RBMS3: variants seen among roughly 807,000 people sequenced by gnomAD.
RBMS3 encodes RNA binding motif single stranded interacting protein 3.
Under a neutral mutation model 66.8 loss-of-function variants are expected in RBMS3, and 27 were observed. That is an observed-to-expected ratio of 0.40 (90% CI 0.30 to 0.56). The LOEUF is 0.56. Among genes scored for constraint, RBMS3 ranks in the 20% least tolerant of loss-of-function variants. The pLI is 0.40. For missense variants in RBMS3, 513 were observed against 549.5 expected, an observed-to-expected ratio of 0.93 and a Z score of 0.66; for synonymous variants, 188 against 183.0, an observed-to-expected ratio of 1.03 and a Z score of -0.22.
At chr3:29,984,598 G>C (rs1461504813) in intron 12 of RBMS3, among the ~76,000 whole-genome samples, 1 of 152,032 alleles carries the variant, frequency 6.6e-6, no homozygotes, top group African/African-American at 2.4e-5. Context: ...TGGGTTTTTT[G>C]TATGGATGTC....
intron 4 of RBMS3, among the ~76,000 whole-genome samples, chr3:29,677,109 A>T (rs1482290448): frequency 6.6e-6 from 1 of 152,062 alleles, no homozygotes; most frequent in Non-Finnish European, 1.5e-5. Context: ...ACCATATCTC[A>T]AGAGAACTCA....
intron 10 of RBMS3, among the ~76,000 whole-genome samples, chr3:29,907,368 A>G (rs1577114755): frequency 6.6e-6 from 1 of 152,152 alleles, no homozygotes; most frequent in Non-Finnish European, 1.5e-5. Context: ...TTTTCTGGCC[A>G]AATGGCTTTG....
intron 8 of RBMS3, among the ~76,000 whole-genome samples, chr3:29,886,973 A>G (rs1466547177): frequency 1.3e-5 from 2 of 151,814 alleles, no homozygotes; most frequent in African/African-American, 4.8e-5. Flanking sequence ...GGCTGGGGAC[A>G]TACTGGTGAA....
chr3:29,828,890 TA>T lies in RBMS3; in HGVS notation c.638-39966del, dbSNP rs1327975016. 1.6e-3 allele frequency among the ~76,000 whole-genome samples: 245 copies of T among 152,358 alleles called. 3 individuals are homozygous for T. In the Middle Eastern group the frequency reaches 0.02, roughly 13 times the overall value. Reference sequence around the variant, plus strand: ...TTTGTTTTTGTTCCCATTCTAAAGATAACTGTGTGTTCAGTAATAACCCATA... The same window carrying T: ...TTTGTTTTTGTTCCCATTCTAAAGATACTGTGTGTTCAGTAATAACCCATA... On this transcript the variant is annotated intron_variant, in intron 6 of 14. Transcript: ENST00000383767.
At chr3:29,798,929 G>GTTTTT (rs368923260) in intron 6 of RBMS3, among the ~76,000 whole-genome samples, 2 of 127,696 alleles carry the variant, frequency 1.6e-5, no homozygotes, top group African/African-American at 5.9e-5. Flanking sequence ...GTACCCTCTG[G>GTTTTT]TTTTTTTTTT....
chr3:29,897,440 C>A lies in RBMS3; in HGVS notation c.853C>A (p.Pro285Thr). 1 of 1,611,134 alleles carries A rather than the reference C, an allele frequency of 6.2e-7. No homozygotes were observed. The highest frequency in any genetic ancestry group is 2.2e-5 in the East Asian group (1 of 44,804). The change falls in exon 9 of 15, where the codon CCA becomes ACA. Residue 285 changes from proline (P) to threonine (T), a missense_variant. Pro to Thr is a conservative substitution (Grantham distance 38, BLOSUM62 -1). Transcript: ENST00000383767. ...NRMIPQTSIT[P>T]FIAASPVSTY... ...CATGATTCCACAGACATCTATCACG[C>A]CATTCATTGCTGCTTCCCCTGTCTC...
At chr3:29,438,349 T>C (rs1324479953) in intron 2 of RBMS3, among the ~76,000 whole-genome samples, 1 of 152,294 alleles carries the variant, frequency 6.6e-6, no homozygotes, top group East Asian at 1.9e-4. Flanking sequence ...AAACAGCATA[T>C]TGTCTTTTTT....
chr3:29,691,007 G>A (rs1440511), intron 4 of RBMS3, among the ~76,000 whole-genome samples: 70,190 of 152,006 alleles, frequency 0.46, 16,944 homozygotes, highest in South Asian at 0.55. Flanking sequence ...TGCTTAGCAA[G>A]GTTTATACAT....
Position 30,004,444 on chromosome 3 carries a change from A to AAAAC in RBMS3, c.*586_*589dup, listed in dbSNP as rs1425194345. ...GAGGCAAGCTGTCAACGTCTTGTTG[A>AAAAC]AAACAAAAATCAAGAAAGAATTGAA... On this transcript the variant is annotated 3_prime_UTR_variant, in exon 15 of 15. Transcript: ENST00000383767. The AAAAC allele has an allele frequency of 6.6e-6, 1 of 152,258 alleles. No homozygotes were observed. The highest frequency in any genetic ancestry group is 1.9e-4 in the East Asian group (1 of 5,178). 9.4% of individuals were successfully genotyped at this position (152,258 alleles called of 1,614,324 possible). A position where few individuals can be genotyped will look rare whatever the true frequency, so the allele number is the denominator to read the frequency against.
At chr3:29,725,788 G>T (rs541966467) in intron 4 of RBMS3, among the ~76,000 whole-genome samples, 1 of 152,176 alleles carries the variant, frequency 6.6e-6, no homozygotes, top group Non-Finnish European at 1.5e-5. Context: ...GTACAAAGAA[G>T]AGCTGGTGCC....
chr3:29,640,594 A>G (rs183712046), intron 4 of RBMS3, among the ~76,000 whole-genome samples: 15 of 152,084 alleles, frequency 9.9e-5, no homozygotes, highest in Admixed American at 2.0e-4. Flanking sequence ...AATAATTTAC[A>G]CTGAACTATT....
chr3:29,422,709 G>T (rs2125704612), intron 1 of RBMS3, among the ~76,000 whole-genome samples: 1 of 152,010 alleles, frequency 6.6e-6, no homozygotes, highest in South Asian at 2.1e-4. Context: ...CCACCTCACA[G>T]CCCCAAACAT....
At chr3:29,606,746 G>A (rs1343078784) in intron 4 of RBMS3, among the ~76,000 whole-genome samples, 2 of 151,826 alleles carry the variant, frequency 1.3e-5, no homozygotes, top group Admixed American at 1.3e-4. Context: ...TTTACTATTT[G>A]TTTATTCATT....
intron 1 of RBMS3, among the ~76,000 whole-genome samples, chr3:29,372,076 C>G (rs902854091): frequency 2.0e-5 from 3 of 152,102 alleles, no homozygotes; most frequent in Admixed American, 2.0e-4. Context: ...GAGGAAGACA[C>G]CGTAGAAGTG....
At chr3:29,671,111 C>G (rs2050982296) in intron 4 of RBMS3, among the ~76,000 whole-genome samples, 1 of 152,200 alleles carries the variant, frequency 6.6e-6, no homozygotes, top group African/African-American at 2.4e-5. Flanking sequence ...TGTTCTGCAG[C>G]CTCTGCTGGT....
intron 3 of RBMS3, among the ~76,000 whole-genome samples, chr3:29,495,094 C>T (rs1055567938): frequency 6.8e-6 from 1 of 147,570 alleles, no homozygotes; most frequent in Non-Finnish European, 1.5e-5. Flanking sequence ...GAAGGATATT[C>T]ATTCATTCAT....
intron 4 of RBMS3, among the ~76,000 whole-genome samples, chr3:29,600,267 TG>T (rs1161124926): frequency 6.6e-6 from 1 of 152,032 alleles, no homozygotes; most frequent in African/African-American, 2.4e-5. Context: ...GTGTTGGAGC[TG>T]GGGCCTAGTT....
At chr3:29,597,373 A>G (rs1393566160) in intron 4 of RBMS3, among the ~76,000 whole-genome samples, 2 of 152,168 alleles carry the variant, frequency 1.3e-5, no homozygotes, top group African/African-American at 2.4e-5. Flanking sequence ...TGTGCATGCT[A>G]TATTTATTAC....
intron 5 of RBMS3, among the ~76,000 whole-genome samples, chr3:29,759,519 G>A (rs1021968116): frequency 7.2e-5 from 11 of 152,052 alleles, no homozygotes; most frequent in Admixed American, 2.0e-4. Flanking sequence ...CATCTGAAAG[G>A]GACATATAAA....
Sources: allele counts gnomAD v4.1 joint callset (sites outside exome capture counted in the v4.1 genomes callset), GRCh38; gene constraint gnomAD v4.1.1; transcripts MANE v1.5; gene names NCBI Gene and HGNC (gene_info 2026-07-23, HGNC 2026-07-21).